Variants in RAB3GAP1 observed in about 807,000 individuals in gnomAD.
The protein encoded by RAB3GAP1 is rab3 GTPase-activating protein catalytic subunit.
In RAB3GAP1, 86 loss-of-function variants were observed where a neutral mutation model predicts 130.7. The observed-to-expected ratio is 0.66, with a 90% CI of 0.55 to 0.79. The LOEUF (loss-of-function observed/expected upper bound fraction) is 0.79, where lower values mean the gene tolerates loss of function less well. Ranked by LOEUF, RAB3GAP1 falls within the 30% of genes least tolerant of loss-of-function variation. The pLI is 0.00. For missense variants in RAB3GAP1, 1,029 were observed against 1,169.4 expected, an observed-to-expected ratio of 0.88 and a Z score of 1.75; for synonymous variants, 367 against 401.7, an observed-to-expected ratio of 0.91 and a Z score of 1.03.
rs1197331464 is a variant in RAB3GAP1, at chr2:135,093,701, T to C, written c.362+8T>C. ...ACATTGCCTGGTAAGATGGTAGGTA[T>C]ATCTTTTACTCAGTATCTTTTAGTA... On this transcript the variant is annotated splice_region_variant and intron_variant, in intron 5 of 23. Transcript: ENST00000264158. 1.3e-6 allele frequency: 2 copies of C among 1,592,432 alleles called. No individual in the cohort carries two copies. Among genetic ancestry groups the C allele is most frequent in the Non-Finnish European group, 8.6e-7 (1 of 1,160,270 alleles).
At chr2:135,164,567 C>T (rs368131376) in intron 22 of RAB3GAP1, 27 bp from the exon 23 acceptor site, 1 of 1,564,974 alleles carries the variant, frequency 6.4e-7, no homozygotes, top group Non-Finnish European at 8.8e-7. Flanking sequence ...ACTTTCCACC[C>T]TTTCATTGCC....
chr2:135,089,415 C>T (rs988975497), intron 3 of RAB3GAP1, among the ~76,000 whole-genome samples: 1 of 150,874 alleles, frequency 6.6e-6, no homozygotes, highest in Non-Finnish European at 1.5e-5. Context: ...TTTTCTAATT[C>T]TGTGAAGAAA....
At chr2:135,067,651 G>C (rs1268006540) in intron 3 of RAB3GAP1, among the ~76,000 whole-genome samples, 1 of 152,190 alleles carries the variant, frequency 6.6e-6, no homozygotes, top group South Asian at 2.1e-4. Flanking sequence ...TCCTAGTTCT[G>C]TTGCTTATTT....
intron 3 of RAB3GAP1, among the ~76,000 whole-genome samples, chr2:135,086,449 A>G (rs1689984738): frequency 6.6e-6 from 1 of 152,036 alleles, no homozygotes; most frequent in Non-Finnish European, 1.5e-5. Flanking sequence ...TTTAGTTTGC[A>G]TTTCACTGAT....
At chr2:135,112,374 T>C (rs1170625172) in intron 5 of RAB3GAP1, among the ~76,000 whole-genome samples, 4 of 152,326 alleles carry the variant, frequency 2.6e-5, no homozygotes, top group African/African-American at 7.2e-5. Context: ...CTGAAACCCA[T>C]GTGTAAACCT....
chr2:135,171,071 A>C (rs1692837322), downstream of RAB3GAP1, among the ~76,000 whole-genome samples: 1 of 151,838 alleles, frequency 6.6e-6, no homozygotes, highest in Admixed American at 6.6e-5. Flanking sequence ...GCAAAAGGTA[A>C]CTGACAGGAG....
intron 7 of RAB3GAP1, among the ~76,000 whole-genome samples, chr2:135,119,663 T>C (rs1293188818): frequency 6.6e-6 from 1 of 152,204 alleles, no homozygotes; most frequent in African/African-American, 2.4e-5. Context: ...TGACTTCAAA[T>C]TGAGTTTGTG....
At chr2:135,162,029 C>A (rs550827110) in intron 19 of RAB3GAP1, among the ~76,000 whole-genome samples, 1 of 151,958 alleles carries the variant, frequency 6.6e-6, no homozygotes, top group East Asian at 1.9e-4. Context: ...AATAAGGAGC[C>A]TAAAGGTAGG....
chr2:135,153,745 G>A lies in RAB3GAP1; in HGVS notation c.2158G>A (p.Val720Met). Residue 720 changes from valine (V) to methionine (M), a missense_variant, in exon 19 of 24, where the codon GTG becomes ATG. Physicochemically the swap from Val to Met is conservative, Grantham distance 21 (BLOSUM62 1). Transcript: ENST00000264158. The stretch of plus-strand genomic sequence containing the variant: ...GGTGATTGATGAAAAGGGCAATGTG[G>A]TGCTGAAAGGAGAACTGAGTGCCCG... ...EEVIDEKGNV[V>M]LKGELSARMK... 1 of 1,614,034 alleles carries A rather than the reference G, an allele frequency of 6.2e-7. No individual in the cohort carries two copies. The highest frequency in any genetic ancestry group is 1.1e-5 in the South Asian group (1 of 91,072).
chr2:135,167,822 C>A, intron 23 of RAB3GAP1: 1 of 927,184 alleles, frequency 1.1e-6, no homozygotes, highest in Non-Finnish European at 1.5e-6. Flanking sequence ...TTTGGCTTAC[C>A]TACCTTGCTG....
chr2:135,167,754 T>C (rs1692699304), intron 23 of RAB3GAP1: 5 of 1,437,426 alleles, frequency 3.5e-6, no homozygotes, highest in Admixed American at 4.0e-5. Context: ...CCTTGTTCCT[T>C]CCCATCCCTC....
At chr2:135,128,572 G>A (rs1193325330) in intron 11 of RAB3GAP1, among the ~76,000 whole-genome samples, 1 of 152,092 alleles carries the variant, frequency 6.6e-6, no homozygotes, top group Non-Finnish European at 1.5e-5. Flanking sequence ...GTTACTGTAT[G>A]GTAATTGCTG....
chr2:135,065,030 G>T (rs1170894354), intron 3 of RAB3GAP1, among the ~76,000 whole-genome samples: 12 of 150,840 alleles, frequency 8.0e-5, no homozygotes, highest in African/African-American at 2.7e-4. Context: ...CTTTGTCATC[G>T]TACCCTAGAA....
chr2:135,067,533 A>G (rs1689356052), intron 3 of RAB3GAP1, among the ~76,000 whole-genome samples: 1 of 152,168 alleles, frequency 6.6e-6, no homozygotes, highest in South Asian at 2.1e-4. Flanking sequence ...ATTGTTGTCA[A>G]CATTTTTATT....
Position 135,150,390 on chromosome 2 carries a change from G to T in RAB3GAP1, c.1945G>T (p.Asp649Tyr). ...ACAGGAACCAGCACCTATGACAGAAGATCTGCTAGAAGAGCAGTCTGAAGT... is the reference window on the plus strand; with the variant it reads ...ACAGGAACCAGCACCTATGACAGAATATCTGCTAGAAGAGCAGTCTGAAGT... ...VTQEPAPMTEDLLEEQSEVLA... is the reference protein window; with the variant it reads ...VTQEPAPMTEYLLEEQSEVLA... The change falls in exon 18 of 24, where the codon GAT becomes TAT. Residue 649 changes from aspartate (D) to tyrosine (Y), a missense_variant. By Grantham distance (160) the Asp-to-Tyr change is radical (BLOSUM62 -3). This residue lies in a region of RAB3GAP1 where 373 missense variants were observed against 493.6 expected (regional missense o/e 0.76). Transcript: ENST00000264158. The T allele has an allele frequency of 6.2e-7, 1 of 1,614,172 alleles. No individual in the cohort carries two copies. The highest frequency in any genetic ancestry group is 1.7e-5 in the Admixed American group (1 of 60,026).
chr2:135,139,670 A>G (rs946966329), intron 17 of RAB3GAP1, among the ~76,000 whole-genome samples: 3 of 152,168 alleles, frequency 2.0e-5, no homozygotes, highest in African/African-American at 7.2e-5. Context: ...TCATCCTAGA[A>G]CAGTGCTGAT....
intron 7 of RAB3GAP1, among the ~76,000 whole-genome samples, chr2:135,117,477 T>TCTG (rs1691015551): frequency 1.7e-4 from 25 of 145,472 alleles, no homozygotes; most frequent in South Asian, 1.1e-3. Context: ...TGCTTCTGCT[T>TCTG]CTTCTGCTTC....
chr2:135,117,786 G>GCTTCTTCTTCTTCTTCTTCTTCTTCTT (rs1164520454), intron 7 of RAB3GAP1, among the ~76,000 whole-genome samples: 1 of 119,216 alleles, frequency 8.4e-6, no homozygotes, highest in Non-Finnish European at 1.8e-5. Flanking sequence ...TGCTTCTTCT[G>GCTTCTTCTTCTTCTTCTTCTTCTTCTT]CTTCTTCTTC....
At chr2:135,108,040 A>G (rs924355671) in intron 5 of RAB3GAP1, among the ~76,000 whole-genome samples, 28 of 150,650 alleles carry the variant, frequency 1.9e-4, no homozygotes, top group African/African-American at 6.8e-4. Context: ...TGATTTGCCT[A>G]TGTGAGAGTA....
Sources: allele counts gnomAD v4.1 joint callset (sites outside exome capture counted in the v4.1 genomes callset), GRCh38; gene constraint gnomAD v4.1.1; regional missense constraint gnomAD v4.1.1; transcripts MANE v1.5; gene names NCBI Gene and HGNC (gene_info 2026-07-23, HGNC 2026-07-21).